The following ARHGEF3 variants were observed in gnomAD, a reference collection of about 807,000 sequenced individuals.
ARHGEF3 encodes the protein 59.8 kDA protein.
In ARHGEF3, 28 loss-of-function variants were observed where a neutral mutation model predicts 63.2. The observed-to-expected ratio is 0.44, with a 90% confidence interval of 0.33 to 0.61. The LOEUF (loss-of-function observed/expected upper bound fraction) is 0.61, where lower values mean the gene tolerates loss of function less well. ARHGEF3 is among the 20% of genes least tolerant of loss of function. The pLI, the probability that ARHGEF3 is intolerant of heterozygous loss-of-function variation, is 0.03. For synonymous variants in ARHGEF3, 266 were observed against 254.2 expected, an observed-to-expected ratio of 1.05 and a Z score of -0.44; for missense variants, 533 against 659.3, an observed-to-expected ratio of 0.81 and a Z score of 2.10.
chr3:57,042,694 ATATATATTT>A (rs1704268659), intron 1 of ARHGEF3, among the ~76,000 whole-genome samples: 1 of 41,880 alleles, frequency 2.4e-5, no homozygotes, highest in African/African-American at 8.1e-5. Context: ...ATATATATAT[ATATATATTT>A]TTTTTTTTTT....
chr3:57,005,856 C>T (rs1702445954), intron 2 of ARHGEF3, among the ~76,000 whole-genome samples: 1 of 152,200 alleles, frequency 6.6e-6, no homozygotes, highest in Non-Finnish European at 1.5e-5. Context: ...ACAAAAATAC[C>T]CCTCAGATTT....
intron 2 of ARHGEF3, among the ~76,000 whole-genome samples, chr3:57,017,032 T>TCTCACA (rs1221332567): frequency 0.051 from 5,329 of 104,166 alleles, 169 homozygotes; most frequent in East Asian, 0.18. Flanking sequence ...TCTCTCTCTC[T>TCTCACA]CACACACACA....
intron 2 of ARHGEF3, among the ~76,000 whole-genome samples, chr3:56,968,153 A>T (rs1342890180): frequency 2.0e-4 from 7 of 34,540 alleles, no homozygotes; most frequent in African/African-American, 4.4e-4. Context: ...AATATATATA[A>T]AAATATATAT....
chr3:57,067,152 G>T (rs988686769), intron 1 of ARHGEF3, among the ~76,000 whole-genome samples: 2 of 152,110 alleles, frequency 1.3e-5, no homozygotes, highest in African/African-American at 4.8e-5. Flanking sequence ...TGGCAACCCA[G>T]AAAGAATAAC....
At chr3:57,036,566 T>C (rs1579139354) in intron 1 of ARHGEF3, among the ~76,000 whole-genome samples, 1 of 152,190 alleles carries the variant, frequency 6.6e-6, no homozygotes, top group Admixed American at 6.5e-5. Flanking sequence ...CCACTCTGGG[T>C]GTGGTTGAGG....
intron 6 of ARHGEF3, among the ~76,000 whole-genome samples, chr3:56,748,515 G>C: frequency 6.7e-6 from 1 of 148,958 alleles, no homozygotes; most frequent in Non-Finnish European, 1.5e-5. Context: ...TTTTAAAGAA[G>C]TTCTTTTATC....
chr3:56,945,757 G>A (rs534831317), intron 3 of ARHGEF3, among the ~76,000 whole-genome samples: 25 of 152,334 alleles, frequency 1.6e-4, no homozygotes, highest in African/African-American at 6.0e-4. Flanking sequence ...AAATGTCCCT[G>A]TCTGACAGCT....
chr3:57,026,082 C>A (rs1019897325), intron 2 of ARHGEF3, among the ~76,000 whole-genome samples: 1 of 152,198 alleles, frequency 6.6e-6, no homozygotes, highest in African/African-American at 2.4e-5. Context: ...ACCTTATGAG[C>A]CTAGTGAGCC....
chr3:57,044,268 C>T (rs1415073797), intron 1 of ARHGEF3, among the ~76,000 whole-genome samples: 5 of 152,222 alleles, frequency 3.3e-5, no homozygotes, highest in Admixed American at 1.3e-4. Flanking sequence ...GGAATCAGGA[C>T]ACCCGCGCCA....
rs1220569759 is a variant in ARHGEF3 at position 56,737,262 on chromosome 3, C to G, written c.964G>C (p.Glu322Gln). 2 of 1,614,018 alleles carry G rather than the reference C, an allele frequency of 1.2e-6. No homozygotes were observed. The highest frequency in any genetic ancestry group is 4.5e-5 in the East Asian group (2 of 44,884). ...TCGATCAGGGAGTCTTTCTGGCCTT[C>G]TTCCAAGTAAAGAAGCCGCTCTTTA... The part of the protein sequence containing the change: ...YYKERLLYLE[E>Q]GQKDSLIDSS... Residue 322 changes from glutamate to glutamine, a missense_variant, in exon 8 of 10, where the codon GAA becomes CAA. Physicochemically the swap from Glu to Gln is conservative, Grantham distance 29. Transcript: ENST00000296315.
At chr3:56,948,036 C>A (rs1699606625) in intron 3 of ARHGEF3, among the ~76,000 whole-genome samples, 1 of 152,076 alleles carries the variant, frequency 6.6e-6, no homozygotes, top group African/African-American at 2.4e-5. Context: ...CTACTGGGTA[C>A]ATAACGAAAT....
intron 1 of ARHGEF3, among the ~76,000 whole-genome samples, chr3:57,057,842 A>G (rs1705011286): frequency 6.6e-6 from 1 of 152,186 alleles, no homozygotes; most frequent in Non-Finnish European, 1.5e-5. Context: ...CTACTATAAC[A>G]GACAAACTGG....
intron 1 of ARHGEF3, among the ~76,000 whole-genome samples, chr3:56,789,848 C>T (rs1195605296): frequency 1.3e-5 from 2 of 152,174 alleles, no homozygotes; most frequent in Non-Finnish European, 2.9e-5. Flanking sequence ...GAGGCCTACA[C>T]TTAGTTACAC....
At position 56,729,266 on chromosome 3, in the gene ARHGEF3, T is replaced by C. The variant is rs751230068; in HGVS notation, c.*4A>G. On this transcript the variant is annotated 3_prime_UTR_variant, in exon 10 of 10. Coordinates refer to ENST00000296315, the MANE Select transcript of ARHGEF3 (RefSeq NM_019555.3). The stretch of plus-strand genomic sequence containing the variant: ...GCCTGCTTCCCGAAGTGCACATGCT[T>C]CTGTCAGACGTTACTTTCACCGTGC... The C allele has an allele frequency of 6.2e-7, 1 of 1,606,750 alleles. No homozygotes were observed. Among genetic ancestry groups the C allele is most frequent in the Non-Finnish European group, 8.5e-7 (1 of 1,175,658 alleles).
chr3:56,994,077 A>AAAAAAAAAAAAAAAAAAAAAAAAAAAAAC (rs1701879513), intron 2 of ARHGEF3, among the ~76,000 whole-genome samples: 1 of 135,716 alleles, frequency 7.4e-6, no homozygotes, highest in Non-Finnish European at 1.6e-5. Context: ...AAAAAAAAAA[A>AAAAAAAAAAAAAAAAAAAAAAAAAAAAAC]AAAAAAAAGC....
intron 3 of ARHGEF3, among the ~76,000 whole-genome samples, chr3:56,886,465 A>G (rs550114708): frequency 1.3e-5 from 2 of 152,360 alleles, no homozygotes; most frequent in South Asian, 2.1e-4. Flanking sequence ...CTACCCAGGA[A>G]CTGGGATTTC....
chr3:56,967,689 T>C (rs1423635077), intron 2 of ARHGEF3, among the ~76,000 whole-genome samples: 1 of 76,234 alleles, frequency 1.3e-5, no homozygotes, highest in African/African-American at 5.3e-5. Context: ...ATATTATATA[T>C]AACATAATAA....
intron 4 of ARHGEF3, among the ~76,000 whole-genome samples, chr3:56,810,622 T>G (rs190882799): frequency 3.2e-4 from 48 of 152,250 alleles, no homozygotes; most frequent in Non-Finnish European, 6.5e-4. Flanking sequence ...AGTTAACATG[T>G]GGAGGAAAAT....
chr3:56,968,075 A>AAAAC, intron 2 of ARHGEF3, among the ~76,000 whole-genome samples: 1 of 62,780 alleles, frequency 1.6e-5, no homozygotes. Flanking sequence ...TATATAATAT[A>AAAAC]TTATATATTT....
Sources: allele counts gnomAD v4.1 joint callset (sites outside exome capture counted in the v4.1 genomes callset), GRCh38; gene constraint gnomAD v4.1.1; transcripts MANE v1.5; gene names NCBI Gene and HGNC (gene_info 2026-07-23, HGNC 2026-07-21).